ETFA: variants seen among roughly 807,000 people sequenced by gnomAD.
ETFA encodes the protein electron transfer flavoprotein subunit alpha, also known as electron transfer flavoprotein subunit alpha, mitochondrial.
A neutral mutation model predicts 46.2 loss-of-function variants in ETFA; 22 were observed. That is an observed-to-expected ratio of 0.48 (90% CI 0.34 to 0.68). The LOEUF (loss-of-function observed/expected upper bound fraction) is 0.68. Among genes scored for constraint, ETFA ranks in the 30% least tolerant of loss-of-function variants. The pLI, the probability that ETFA is intolerant of heterozygous loss-of-function variation, is 0.01. For synonymous variants in ETFA, 131 were observed against 139.9 expected, an observed-to-expected ratio of 0.94 and a Z score of 0.45; for missense variants, 345 against 401.1, an observed-to-expected ratio of 0.86 and a Z score of 1.19.
At chr15:76,260,486 C>G in intron 9 of ETFA, 1 of 1,551,736 alleles carries the variant, frequency 6.4e-7, no homozygotes, top group Non-Finnish European at 8.9e-7. Flanking sequence ...CCACCAGTGG[C>G]TGACTCCAGG....
intron 9 of ETFA, among the ~76,000 whole-genome samples, chr15:76,262,472 CCCT>C (rs2039425154): frequency 7.6e-6 from 1 of 131,542 alleles, no homozygotes; most frequent in African/African-American, 2.6e-5. Context: ...TAATCAAACC[CCCT>C]TTTTTTTTTT....
intron 1 of ETFA, among the ~76,000 whole-genome samples, chr15:76,304,275 AC>A (rs2039913965): frequency 6.6e-6 from 1 of 152,162 alleles, no homozygotes; most frequent in South Asian, 2.1e-4. Flanking sequence ...AACAATAGAT[AC>A]CTGGGCCTAT....
chr15:76,229,869 A>G (rs1438407505), intron 10 of ETFA, among the ~76,000 whole-genome samples: 1 of 152,214 alleles, frequency 6.6e-6, no homozygotes, highest in Non-Finnish European at 1.5e-5. Context: ...ACTTCATGAA[A>G]GGTAAGTTCA....
At chr15:76,263,102 C>T (rs2039433632) in intron 9 of ETFA, among the ~76,000 whole-genome samples, 1 of 152,218 alleles carries the variant, frequency 6.6e-6, no homozygotes, top group African/African-American at 2.4e-5. Context: ...AGCTGTAGCT[C>T]ATTTGCTTGA....
At chr15:76,226,835 C>A (rs2039009357) in intron 10 of ETFA, among the ~76,000 whole-genome samples, 2 of 152,002 alleles carry the variant, frequency 1.3e-5, no homozygotes, top group African/African-American at 4.8e-5. Context: ...GCCGAGATCG[C>A]GCCACTGCAT....
At chr15:76,299,432 C>T (rs919044523) in intron 1 of ETFA, among the ~76,000 whole-genome samples, 5 of 152,262 alleles carry the variant, frequency 3.3e-5, no homozygotes, top group East Asian at 1.9e-4. Context: ...CACAGGTACA[C>T]GCCACCATGT....
intron 9 of ETFA, among the ~76,000 whole-genome samples, chr15:76,238,292 C>A (rs2039148299): frequency 6.6e-6 from 1 of 152,050 alleles, no homozygotes; most frequent in African/African-American, 2.4e-5. Context: ...AAATACCATG[C>A]CAATATTGTT....
intron 6 of ETFA, 117 bp downstream of exon 6, chr15:76,286,254 T>C: frequency 1.6e-6 from 1 of 621,516 alleles, no homozygotes; most frequent in South Asian, 2.2e-5. Context: ...ATCATTTAAA[T>C]TGAACTTTCA....
At chr15:76,259,852 G>A (rs1023070293) in intron 9 of ETFA, 26 of 1,447,954 alleles carry the variant, frequency 1.8e-5, no homozygotes, top group Admixed American at 1.5e-4. Flanking sequence ...GCCAGGAGGT[G>A]AGCAGGAAGG....
At position 76,287,907 on chromosome 15, in the gene ETFA, G is replaced by A; in HGVS notation, c.390C>T (p.Ala130=). ...LPRVAAKLEV[A]PISDIIAIKS... ...TGATTGCAATGATGTCAGAAATCGG[G>A]GCAACCTCAAGTTTGGCTGCTACTC... is the stretch of plus-strand genomic sequence containing the variant. The change falls in exon 5 of 12, where the codon GCC becomes GCT. Residue 130 remains alanine (A), a synonymous_variant. Coordinates refer to ENST00000557943, the MANE Select transcript of ETFA (RefSeq NM_000126.4). The A allele has an allele frequency of 6.2e-7, 1 of 1,613,910 alleles. No individual in the cohort carries two copies. Among genetic ancestry groups the A allele is most frequent in the Non-Finnish European group, 8.5e-7 (1 of 1,179,936 alleles).
At position 76,275,607 on chromosome 15, in the gene ETFA, C is replaced by T. The variant is rs115011315; in HGVS notation, c.734-1113G>A. 9.5e-4 allele frequency among the ~76,000 whole-genome samples: 145 copies of T among 152,282 alleles called. 1 individual carries two copies. The highest frequency in any genetic ancestry group is 3.4e-3 in the African/African-American group (142 of 41,556). Reference sequence around the variant, plus strand: ...ACACTACTGATGTTGAAAGTAATAACTGACACAGTTGGATTAATATCTACC... The same window carrying T: ...ACACTACTGATGTTGAAAGTAATAATTGACACAGTTGGATTAATATCTACC... On this transcript the variant is annotated intron_variant, in intron 8 of 11. Transcript: ENST00000557943.
At chr15:76,231,469 A>G in intron 9 of ETFA, 71 bp from the exon 10 acceptor site, 10 of 961,838 alleles carry the variant, frequency 1.0e-5, no homozygotes, top group Non-Finnish European at 1.6e-5. Context: ...GTTTGCTGTT[A>G]GCAATTTAAG....
intron 8 of ETFA, among the ~76,000 whole-genome samples, chr15:76,280,066 G>C (rs2039632468): frequency 6.6e-6 from 1 of 151,122 alleles, no homozygotes; most frequent in Non-Finnish European, 1.5e-5. Context: ...ACCTGGCCTG[G>C]GACCTCTTTT....
chr15:76,306,450 A>G (rs2039941591), intron 1 of ETFA, among the ~76,000 whole-genome samples: 1 of 151,798 alleles, frequency 6.6e-6, no homozygotes, highest in Admixed American at 6.6e-5. Flanking sequence ...TATTTTTAGT[A>G]GAGACGGGTT....
rs35290919 is a variant in ETFA, at chr15:76,306,267, C to CTTTTTTTTTTTTTTTTT, written c.39+5066_39+5082dup. On this transcript the variant is annotated intron_variant, in intron 1 of 11. Transcript: ENST00000557943. Reference sequence around the variant, plus strand: ...AGGGCAGGGGAGGGTTTTTTTGCTTCTTTTTTTTTTTTTTTTTGAGACAGA... The same window carrying CTTTTTTTTTTTTTTTTT: ...AGGGCAGGGGAGGGTTTTTTTGCTTCTTTTTTTTTTTTTTTTTTTTTTTTTTTTTTTTTTGAGACAGA... Among the ~76,000 whole-genome samples, 6 of 109,492 alleles carry CTTTTTTTTTTTTTTTTT rather than the reference C, an allele frequency of 5.5e-5. 1 individual carries two copies. Among genetic ancestry groups the CTTTTTTTTTTTTTTTTT allele is most frequent in the South Asian group, 7.7e-4 (2 of 2,594 alleles). 71.8% of individuals were successfully genotyped at this position (109,492 alleles called of 152,430 possible).
At chr15:76,261,841 T>G (rs1211560932) in intron 9 of ETFA, among the ~76,000 whole-genome samples, 1 of 152,164 alleles carries the variant, frequency 6.6e-6, no homozygotes, top group Non-Finnish European at 1.5e-5. Context: ...ATGCATAATA[T>G]TATAAAGTGG....
intron 10 of ETFA, among the ~76,000 whole-genome samples, chr15:76,229,620 T>C (rs2039044387): frequency 6.6e-6 from 1 of 152,230 alleles, no homozygotes; most frequent in East Asian, 1.9e-4. Context: ...TTTATTTATT[T>C]TTTCTTAATG....
At chr15:76,238,167 C>G (rs1667104857) in intron 9 of ETFA, among the ~76,000 whole-genome samples, 1 of 152,156 alleles carries the variant, frequency 6.6e-6, no homozygotes. Flanking sequence ...CCTGCAGCAA[C>G]TTCAGATCTG....
chr15:76,249,043 GCA>G lies in ETFA; in HGVS notation c.817-17647_817-17646del, dbSNP rs2039269933. Among the ~76,000 whole-genome samples, 5 of 151,918 alleles carry G rather than the reference GCA, an allele frequency of 3.3e-5. No individual in the cohort carries two copies. The South Asian group carries it at 1.0e-3, about 32-fold the overall frequency. On this transcript the variant is annotated intron_variant, in intron 9 of 11. Transcript: ENST00000557943. ...GTAATCACAGAAAAGCAGATAAAAA[GCA>G]CAGTGAGATTTCATTCCCATCAGGC...
Sources: gnomAD v4.1 joint callset for allele counts (sites outside exome capture counted in the v4.1 genomes callset) on GRCh38, gnomAD v4.1.1 for gene constraint, MANE v1.5 for transcripts, NCBI Gene and HGNC (gene_info 2026-07-23, HGNC 2026-07-21) for gene names.